The following RABGAP1L variants were observed in gnomAD, a reference collection of about 807,000 sequenced individuals.
RABGAP1L encodes rab GTPase-activating protein 1-like.
A neutral mutation model predicts 137.7 loss-of-function variants in RABGAP1L; 63 were observed. That is an observed-to-expected ratio of 0.46 (90% CI 0.37 to 0.56). RABGAP1L has a LOEUF of 0.56. RABGAP1L is among the 20% of genes least tolerant of loss of function. RABGAP1L has a pLI of 0.00. For missense variants in RABGAP1L, 1,095 were observed against 1,244.0 expected (o/e 0.88, Z 1.80); for synonymous variants, 431 against 433.7 (o/e 0.99, Z 0.08).
At chr1:174,379,316 C>T (rs1426615111) in intron 12 of RABGAP1L, among the ~76,000 whole-genome samples, 17 of 146,586 alleles carry the variant, frequency 1.2e-4, no homozygotes, top group Non-Finnish European at 2.4e-4. Context: ...TTTTCCAATT[C>T]TGTGAAGAAA....
intron 13 of RABGAP1L, among the ~76,000 whole-genome samples, chr1:174,604,953 C>T (rs1472276784): frequency 6.6e-6 from 1 of 152,068 alleles, no homozygotes; most frequent in African/African-American, 2.4e-5. Flanking sequence ...CCAGCCTGGC[C>T]AACATTGTGA....
chr1:174,976,034 C>CTGTATGACTGTGA, intron 21 of RABGAP1L, 44 bp from the exon 22 acceptor site: 1 of 1,481,720 alleles, frequency 6.7e-7, no homozygotes, highest in Non-Finnish European at 9.2e-7. Flanking sequence ...TCTTTACCCT[C>CTGTATGACTGTGA]TGTATGACTG....
chr1:174,227,709 C>T lies in RABGAP1L; in HGVS notation c.332-3436C>T, dbSNP rs1037715764. 4.6e-5 allele frequency among the ~76,000 whole-genome samples: 7 copies of T among 152,156 alleles called. No homozygotes were observed. In the East Asian group the frequency reaches 1.3e-3, roughly 29 times the overall value. On this transcript the variant is annotated intron_variant, in intron 3 of 25. Transcript: ENST00000681986. ...AGTATTTGCTCTGGAGTTTATAACT[C>T]AAGTCTTTAACTCATTTACATTCTA...
chr1:174,514,174 GA>G (rs1167598704), intron 13 of RABGAP1L, among the ~76,000 whole-genome samples: 1 of 142,236 alleles, frequency 7.0e-6, no homozygotes, highest in African/African-American at 2.7e-5. Flanking sequence ...GAGGACTCAT[GA>G]CAACAATGGA....
At chr1:174,248,308 G>T (rs1362158373) in intron 5 of RABGAP1L, among the ~76,000 whole-genome samples, 3 of 152,110 alleles carry the variant, frequency 2.0e-5, no homozygotes, top group Non-Finnish European at 4.4e-5. Context: ...ACTAATACTT[G>T]GTATGCAGAA....
chr1:174,613,932 A>G (rs1671523624), intron 13 of RABGAP1L, among the ~76,000 whole-genome samples: 2 of 151,814 alleles, frequency 1.3e-5, no homozygotes, highest in East Asian at 1.9e-4. Context: ...CCATCCCTTT[A>G]TTTTGAGCCT....
chr1:174,367,803 T>C, intron 11 of RABGAP1L: 1 of 189,014 alleles, frequency 5.3e-6, no homozygotes, highest in Non-Finnish European at 1.1e-5. Context: ...CCTCTGCAGC[T>C]TAGACTGGTT....
intron 13 of RABGAP1L, among the ~76,000 whole-genome samples, chr1:174,632,807 A>G (rs988226287): frequency 1.4e-5 from 2 of 145,746 alleles, no homozygotes; most frequent in African/African-American, 5.2e-5. Context: ...AATTTTTTTC[A>G]AAGTTTTCAA....
chr1:174,332,420 G>A (rs928147813), intron 11 of RABGAP1L, among the ~76,000 whole-genome samples: 3 of 150,020 alleles, frequency 2.0e-5, no homozygotes, highest in Admixed American at 6.7e-5. Context: ...TTTTTGAGAC[G>A]GAGTCTCACT....
intron 13 of RABGAP1L, among the ~76,000 whole-genome samples, chr1:174,637,012 A>T (rs1418548463): frequency 2.6e-5 from 4 of 152,208 alleles, no homozygotes; most frequent in African/African-American, 9.6e-5. Context: ...TCCTACAGAG[A>T]ATAAACTATA....
chr1:174,369,167 A>T (rs1417497235), intron 11 of RABGAP1L, among the ~76,000 whole-genome samples: 1 of 152,130 alleles, frequency 6.6e-6, no homozygotes, highest in African/African-American at 2.4e-5. Flanking sequence ...TGCGTGACAT[A>T]GTCTAAGTTT....
At chr1:174,378,160 C>T (rs1685741584) in intron 12 of RABGAP1L, among the ~76,000 whole-genome samples, 1 of 146,746 alleles carries the variant, frequency 6.8e-6, no homozygotes, top group African/African-American at 2.5e-5. Flanking sequence ...GTATATGTGC[C>T]ACATTTTCTT....
chr1:174,875,731 A>T, intron 19 of RABGAP1L: 1 of 974,178 alleles, frequency 1.0e-6, no homozygotes, highest in Non-Finnish European at 1.2e-6. Context: ...CTGCCTGGAC[A>T]CCTTATAATG....
In RABGAP1L at chr1:174,876,211, A is replaced by G. The variant is rs978236274; in HGVS notation, c.2340+64251A>G. Among the ~76,000 whole-genome samples, 24 of 152,350 alleles carry G rather than the reference A, an allele frequency of 1.6e-4. No homozygotes were observed. In the East Asian group the frequency reaches 3.9e-3, roughly 24 times the overall value. ...TGAAAAGCAAACAAATTTAGGTAAC[A>G]TAATCCTGCTATTGGTAATGAAGAC... On this transcript the variant is annotated intron_variant, in intron 19 of 25. Coordinates refer to ENST00000681986, the MANE Select transcript of RABGAP1L (RefSeq NM_001366446.1).
chr1:174,635,389 G>A (rs1673918851), intron 13 of RABGAP1L, among the ~76,000 whole-genome samples: 1 of 152,200 alleles, frequency 6.6e-6, no homozygotes, highest in Non-Finnish European at 1.5e-5. Context: ...TATCGGAAGA[G>A]AGCTCTTCTG....
chr1:174,238,337 G>T (rs1671409907), intron 4 of RABGAP1L, among the ~76,000 whole-genome samples: 1 of 152,164 alleles, frequency 6.6e-6, no homozygotes, highest in Non-Finnish European at 1.5e-5. Context: ...TGGAGGAGGA[G>T]AGACGCTCTG....
At chr1:174,599,027 G>A (rs966017635) in intron 13 of RABGAP1L, among the ~76,000 whole-genome samples, 12 of 133,212 alleles carry the variant, frequency 9.0e-5, no homozygotes, top group African/African-American at 2.2e-4. Context: ...TCCTTTTCCC[G>A]TTCTGTTGTT....
intron 18 of RABGAP1L, chr1:174,756,769 T>G: frequency 2.4e-6 from 1 of 421,108 alleles, no homozygotes; most frequent in Non-Finnish European, 4.6e-6. Context: ...AGTCTTTTCC[T>G]TTGTTGAGGA....
intron 1 of RABGAP1L, among the ~76,000 whole-genome samples, chr1:174,176,713 GAAAAAAAAAAAAAAAAA>G (rs71563251): frequency 5.6e-4 from 12 of 21,554 alleles, no homozygotes; most frequent in East Asian, 3.6e-3. Context: ...CCCTTTTTCA[GAAAAAAAAAAAAAAAAA>G]AAAAAAAAAA....
Sources: allele counts gnomAD v4.1 joint callset (sites outside exome capture counted in the v4.1 genomes callset), GRCh38; gene constraint gnomAD v4.1.1; transcripts MANE v1.5; gene names NCBI Gene and HGNC (gene_info 2026-07-23, HGNC 2026-07-21).